Variants in UBR3 observed in about 807,000 individuals in gnomAD.
The protein encoded by UBR3 is ubiquitin protein ligase E3 component n-recognin 3, also known as E3 ubiquitin-protein ligase UBR3.
In UBR3, 85 loss-of-function variants were observed where a neutral mutation model predicts 243.2. The observed-to-expected ratio is 0.35, with a 90% confidence interval of 0.29 to 0.42. The LOEUF (loss-of-function observed/expected upper bound fraction) is 0.42. Ranked by LOEUF, UBR3 falls within the 10% of genes least tolerant of loss-of-function variation. The pLI is 1.00. For missense variants in UBR3, 1,686 were observed against 2,300.8 expected, an observed-to-expected ratio of 0.73 and a Z score of 5.47; for synonymous variants, 748 against 799.8, an observed-to-expected ratio of 0.94 and a Z score of 1.09.
At chr2:169,955,773 C>CATAGAGTG (rs1214108659) in intron 23 of UBR3, among the ~76,000 whole-genome samples, 1 of 109,348 alleles carries the variant, frequency 9.1e-6, no homozygotes, top group African/African-American at 3.5e-5. Flanking sequence ...CAGCTTGGGC[C>CATAGAGTG]ATAGAGTGAG....
At chr2:170,075,883 A>C (rs541711799) in intron 36 of UBR3, among the ~76,000 whole-genome samples, 24 of 151,014 alleles carry the variant, frequency 1.6e-4, no homozygotes, top group Non-Finnish European at 3.4e-4. Flanking sequence ...TTCTGATTTA[A>C]AATAAGGAAA....
At chr2:169,982,900 A>C (rs1237874228) in intron 24 of UBR3, among the ~76,000 whole-genome samples, 2 of 152,324 alleles carry the variant, frequency 1.3e-5, no homozygotes, top group Non-Finnish European at 1.5e-5. Context: ...TTTCTGGAGA[A>C]GGCTTAGCTG....
Position 169,880,083 on chromosome 2 carries a change from TTA to T in UBR3, c.1038+1510_1038+1511del, listed in dbSNP as rs1297484577. ...TTTTGTGGGGAGGTGGAATGGCCTA[TTA>T]AAAGGCGAGTTCTCAGAGTAGGAGT... is the stretch of plus-strand genomic sequence containing the variant. On this transcript the variant is annotated intron_variant, in intron 5 of 38. Transcript: ENST00000272793. Among the ~76,000 whole-genome samples the T allele has an allele frequency of 3.3e-5, 5 of 152,142 alleles. 1 individual carries two copies. Among genetic ancestry groups the T allele is most frequent in the Non-Finnish European group, 7.4e-5 (5 of 68,008 alleles).
At position 169,967,264 on chromosome 2, in the gene UBR3, C is replaced by T. The variant is rs1236031651; in HGVS notation, c.3634+8738C>T. 1.1e-3 allele frequency among the ~76,000 whole-genome samples: 136 copies of T among 124,278 alleles called. 2 individuals carry two copies. The highest frequency in any genetic ancestry group is 3.8e-3 in the Middle Eastern group (1 of 260). The allele number at this position is 124,278 out of a possible 152,430, so 81.5% of individuals were successfully genotyped here. ...ACCCCCCTACAGGGTATGCGCCCCC[C>T]GCCCCCCCCCACACACAGTTGGTAG... is the stretch of plus-strand genomic sequence containing the variant. On this transcript the variant is annotated intron_variant, in intron 24 of 38. Transcript: ENST00000272793.
chr2:169,940,691 G>A (rs1282894983), intron 19 of UBR3, among the ~76,000 whole-genome samples: 2 of 152,000 alleles, frequency 1.3e-5, no homozygotes, highest in Non-Finnish European at 2.9e-5. Context: ...CTTTACTATG[G>A]TTGTAGATTT....
intron 10 of UBR3, among the ~76,000 whole-genome samples, chr2:169,906,427 A>G (rs944637717): frequency 2.5e-5 from 2 of 81,542 alleles, no homozygotes; most frequent in Non-Finnish European, 4.8e-5. Flanking sequence ...TTCATTTGTT[A>G]TCAGTTGCCT....
intron 1 of UBR3, among the ~76,000 whole-genome samples, chr2:169,834,168 G>A (rs866941452): frequency 1.3e-5 from 2 of 152,178 alleles, no homozygotes; most frequent in Admixed American, 6.5e-5. Flanking sequence ...TGGTTGAATA[G>A]TGTTACTCTC....
At chr2:170,039,049 A>T (rs760115558) in intron 31 of UBR3, among the ~76,000 whole-genome samples, 49 of 152,134 alleles carry the variant, frequency 3.2e-4, no homozygotes, top group Non-Finnish European at 5.9e-4. Context: ...AATTGAAATC[A>T]TGGATTAGAA....
At position 169,986,784 on chromosome 2, in the gene UBR3, A is replaced by G. The variant is rs746256004; in HGVS notation, c.3774A>G (p.Gln1258=). ...CTACTGGATTAGTTGTACTGTTACAAGCATCCTCAGGTAAAATCAAAGTAA... is the reference window on the plus strand; with the variant it reads ...CTACTGGATTAGTTGTACTGTTACAGGCATCCTCAGGTAAAATCAAAGTAA... ...DRPTGLVVLL[Q]ASSVLGQCRD... is the part of the protein sequence containing the mutation. Residue 1258 remains glutamine (Q), a synonymous_variant, in exon 25 of 39, where the codon CAA becomes CAG. Coordinates refer to ENST00000272793, the MANE Select transcript of UBR3 (RefSeq NM_172070.4). The G allele has an allele frequency of 2.4e-5, 38 of 1,613,874 alleles. No homozygotes were observed. Among genetic ancestry groups the G allele is most frequent in the African/African-American group, 5.3e-5 (4 of 74,934 alleles).
At chr2:169,909,295 T>A (rs901044951) in intron 10 of UBR3, among the ~76,000 whole-genome samples, 1 of 152,214 alleles carries the variant, frequency 6.6e-6, no homozygotes, top group African/African-American at 2.4e-5. Flanking sequence ...GGGTTTAATG[T>A]GATCAGATTT....
intron 1 of UBR3, among the ~76,000 whole-genome samples, chr2:169,871,659 A>T (rs1313921598): frequency 6.9e-6 from 1 of 145,482 alleles, no homozygotes; most frequent in Non-Finnish European, 1.5e-5. Context: ...GAGGTGGGGG[A>T]ATCGCTTGAA....
At chr2:170,046,696 A>C (rs376245784) in intron 32 of UBR3, among the ~76,000 whole-genome samples, 7 of 152,308 alleles carry the variant, frequency 4.6e-5, no homozygotes, top group African/African-American at 1.7e-4. Flanking sequence ...TCTTAAGTGG[A>C]ATTCATAAAA....
intron 29 of UBR3, among the ~76,000 whole-genome samples, chr2:170,012,771 C>A (rs1314507712): frequency 2.0e-5 from 3 of 151,192 alleles, no homozygotes; most frequent in Non-Finnish European, 4.4e-5. Context: ...AGAAGCTTTG[C>A]CCTTTTCACC....
In UBR3 at chr2:169,949,922, C is replaced by A. The variant is rs372803850; in HGVS notation, c.3402C>A (p.Ala1134=). ...ACAGTCATGGAGATGGTATAACTGCCGTGGAAAGAATTTTACTAAAAGCTG... is the reference window on the plus strand; with the variant it reads ...ACAGTCATGGAGATGGTATAACTGCAGTGGAAAGAATTTTACTAAAAGCTG... ...PKYSHGDGIT[A]VERILLKAAS... is the part of the protein sequence containing the mutation. The change falls in exon 23 of 39, where the codon GCC becomes GCA. Residue 1134 remains alanine (A), a synonymous_variant. Coordinates refer to ENST00000272793, the MANE Select transcript of UBR3 (RefSeq NM_172070.4). The A allele has an allele frequency of 1.9e-6, 3 of 1,613,240 alleles. No homozygotes were observed. The highest frequency in any genetic ancestry group is 2.5e-6 in the Non-Finnish European group (3 of 1,179,680).
At chr2:169,855,247 T>C (rs952275786) in intron 1 of UBR3, among the ~76,000 whole-genome samples, 4 of 152,236 alleles carry the variant, frequency 2.6e-5, no homozygotes, top group African/African-American at 9.6e-5. Context: ...ATTTATACTT[T>C]TGATAAATTT....
At chr2:170,056,944 T>A (rs1213369995) in intron 33 of UBR3, among the ~76,000 whole-genome samples, 1 of 152,176 alleles carries the variant, frequency 6.6e-6, no homozygotes. Flanking sequence ...AGCCTCAGCT[T>A]TCTCAAAGGT....
Position 169,958,440 on chromosome 2 carries a change from G to A in UBR3, c.3548G>A (p.Arg1183Gln), listed in dbSNP as rs1201997562. ...EKKTLDKEER[R>Q]QKARERQQKL... ...AACTTTATTTCTGTTTAATCTAGGC[G>A]ACAGAAGGCTAGAGAGAGGCAGCAG... The change falls in exon 24 of 39, where the codon CGA becomes CAA. Residue 1183 changes from arginine to glutamine, a missense_variant and splice_region_variant. Coordinates refer to ENST00000272793, the MANE Select transcript of UBR3 (RefSeq NM_172070.4). 1.9e-6 allele frequency: 3 copies of A among 1,612,424 alleles called. No homozygotes were observed. Among genetic ancestry groups the A allele is most frequent in the African/African-American group, 1.3e-5 (1 of 74,824 alleles).
chr2:169,838,510 A>C lies in UBR3; in HGVS notation c.545+10458A>C, dbSNP rs114932558. Among the ~76,000 whole-genome samples, 302 of 151,452 alleles carry C rather than the reference A, an allele frequency of 2.0e-3. 1 individual carries two copies. Among genetic ancestry groups the C allele is most frequent in the African/African-American group, 6.8e-3 (282 of 41,228 alleles). ...CGGGGAAGAGGGCAAACAGGGCCTA[A>C]GGTAGTTCCCTCCAGCACTTGCTTA... is the stretch of plus-strand genomic sequence containing the variant. On this transcript the variant is annotated intron_variant, in intron 1 of 38. Coordinates refer to ENST00000272793, the MANE Select transcript of UBR3 (RefSeq NM_172070.4).
At chr2:169,890,801 C>T (rs1274002531) in intron 5 of UBR3, among the ~76,000 whole-genome samples, 2 of 149,522 alleles carry the variant, frequency 1.3e-5, no homozygotes, top group African/African-American at 4.9e-5. Flanking sequence ...TTAGTCCTCT[C>T]CTCTTCTCTC....
Sources: gnomAD v4.1 joint callset for allele counts (sites outside exome capture counted in the v4.1 genomes callset) on GRCh38, gnomAD v4.1.1 for gene constraint, MANE v1.5 for transcripts, NCBI Gene and HGNC (gene_info 2026-07-23, HGNC 2026-07-21) for gene names.